NCALD: variants seen among roughly 807,000 people sequenced by gnomAD.
NCALD encodes the protein neurocalcin-delta.
NCALD carries 10 observed loss-of-function variants against 18.6 expected under a neutral mutation model. The ratio of observed to expected loss-of-function variants is 0.54; its 90% CI spans 0.33 to 0.91. The LOEUF is 0.91. Among genes scored for constraint, NCALD ranks in the 40% least tolerant of loss-of-function variants. The pLI is 0.03. For synonymous variants in NCALD, 88 were observed against 87.4 expected (o/e 1.01, Z -0.04); for missense variants, 184 against 247.6 (o/e 0.74, Z 1.72).
chr8:101,865,894 A>G (rs1037351012), intron 4 of NCALD, among the ~76,000 whole-genome samples: 2 of 152,170 alleles, frequency 1.3e-5, no homozygotes, highest in Admixed American at 6.5e-5. Context: ...TTTAATTTCA[A>G]GTGGATGGGG....
chr8:101,944,680 C>T (rs1819099651), intron 2 of NCALD, among the ~76,000 whole-genome samples: 1 of 152,168 alleles, frequency 6.6e-6, no homozygotes. Context: ...GGAGAGTTTA[C>T]AGTATTTCTT....
At chr8:101,728,904 G>A (rs1333294877) in intron 1 of NCALD, among the ~76,000 whole-genome samples, 1 of 152,226 alleles carries the variant, frequency 6.6e-6, no homozygotes, top group Non-Finnish European at 1.5e-5. Context: ...TCCACTAACA[G>A]TTGCTTTGAA....
At chr8:101,939,439 G>A (rs1818875636) in intron 2 of NCALD, among the ~76,000 whole-genome samples, 1 of 152,122 alleles carries the variant, frequency 6.6e-6, no homozygotes, top group African/African-American at 2.4e-5. Context: ...TTACTAAGTA[G>A]GTTGTCTCCC....
chr8:102,027,597 C>T (rs552856693), intron 1 of NCALD, among the ~76,000 whole-genome samples: 2 of 152,328 alleles, frequency 1.3e-5, no homozygotes, highest in South Asian at 2.1e-4. Context: ...CTGTTCCAAC[C>T]TCTACCTGTT....
chr8:101,870,891 G>A (rs899629589), intron 4 of NCALD, among the ~76,000 whole-genome samples: 11 of 24,288 alleles, frequency 4.5e-4, no homozygotes, highest in African/African-American at 1.9e-3. Flanking sequence ...CTCTACCACC[G>A]CCCCCACCCC....
At chr8:101,755,485 C>G (rs1025753235) in intron 1 of NCALD, among the ~76,000 whole-genome samples, 8 of 152,170 alleles carry the variant, frequency 5.3e-5, no homozygotes, top group African/African-American at 1.9e-4. Context: ...TGCTGGGACA[C>G]AGATCATTTT....
At chr8:101,711,682 T>C (rs1412740700) in intron 2 of NCALD, among the ~76,000 whole-genome samples, 1 of 151,230 alleles carries the variant, frequency 6.6e-6, no homozygotes, top group Non-Finnish European at 1.5e-5. Context: ...AGATTAAGGG[T>C]CAACTTAATG....
At chr8:101,942,978 C>T (rs1819013989) in intron 2 of NCALD, among the ~76,000 whole-genome samples, 1 of 152,158 alleles carries the variant, frequency 6.6e-6, no homozygotes, top group South Asian at 2.1e-4. Context: ...GCCTCCTTCC[C>T]TAAGCACCAC....
intron 4 of NCALD, among the ~76,000 whole-genome samples, chr8:101,817,613 T>C (rs1196920620): frequency 6.6e-6 from 1 of 151,298 alleles, no homozygotes; most frequent in Non-Finnish European, 1.5e-5. Flanking sequence ...GATAGATACA[T>C]TTTACTGTCC....
At chr8:101,900,487 A>G (rs1817379290) in intron 3 of NCALD, among the ~76,000 whole-genome samples, 1 of 151,990 alleles carries the variant, frequency 6.6e-6, no homozygotes, top group Non-Finnish European at 1.5e-5. Context: ...TAAGCATTAT[A>G]TTAGTGCTAT....
intron 2 of NCALD, among the ~76,000 whole-genome samples, chr8:101,921,170 T>C (rs950563147): frequency 6.6e-6 from 1 of 151,878 alleles, no homozygotes; most frequent in African/African-American, 2.4e-5. Flanking sequence ...TAAGTACCTC[T>C]GAGAGTGCCA....
At chr8:101,763,097 A>T (rs1430108951) in intron 1 of NCALD, among the ~76,000 whole-genome samples, 1 of 152,232 alleles carries the variant, frequency 6.6e-6, no homozygotes, top group Non-Finnish European at 1.5e-5. Context: ...TGTATACTAC[A>T]TATCAGGCAC....
At chr8:101,817,444 GCA>G (rs899541122) in intron 4 of NCALD, among the ~76,000 whole-genome samples, 14 of 152,016 alleles carry the variant, frequency 9.2e-5, no homozygotes, top group African/African-American at 2.4e-4. Context: ...TTGCTTGTCC[GCA>G]CAGTTTCCAA....
chr8:101,934,386 A>T (rs1024521005), intron 2 of NCALD, among the ~76,000 whole-genome samples: 9 of 152,192 alleles, frequency 5.9e-5, no homozygotes, highest in African/African-American at 2.2e-4. Flanking sequence ...ACAAAGTCAG[A>T]GGGGCTAGTG....
At chr8:101,806,651 G>A (rs1427202732) in intron 4 of NCALD, among the ~76,000 whole-genome samples, 1 of 152,026 alleles carries the variant, frequency 6.6e-6, no homozygotes, top group Admixed American at 6.6e-5. Flanking sequence ...GTTTGGTAGA[G>A]AACATGCAAT....
rs187361653 is a variant in NCALD, at chr8:101,743,378, A to G, written c.-19-23730T>C. Among the ~76,000 whole-genome samples the G allele has an allele frequency of 4.9e-4, 75 of 152,352 alleles. No individual in the cohort carries two copies. The East Asian group carries it at 0.012, about 25-fold the overall frequency. The stretch of plus-strand genomic sequence containing the variant: ...ACAAAAGTTGTGATATCTATATTCA[A>G]ATAGCATAATCTAGTTAAGGCAATA... On this transcript the variant is annotated intron_variant, in intron 1 of 3. Transcript: ENST00000220931.
intron 1 of NCALD, among the ~76,000 whole-genome samples, chr8:101,769,285 T>C (rs901036295): frequency 1.3e-5 from 2 of 152,234 alleles, no homozygotes; most frequent in Non-Finnish European, 2.9e-5. Flanking sequence ...TCTATAACCA[T>C]AGTGTCCAGT....
intron 2 of NCALD, among the ~76,000 whole-genome samples, chr8:102,008,163 G>A (rs1351063): frequency 0.62 from 94,864 of 152,018 alleles, 30,994 homozygotes; most frequent in African/African-American, 0.81. Flanking sequence ...TTATGTGCTG[G>A]CCATTATTCT....
intron 4 of NCALD, among the ~76,000 whole-genome samples, chr8:101,880,869 C>G (rs1370244151): frequency 6.6e-6 from 1 of 152,008 alleles, no homozygotes; most frequent in Non-Finnish European, 1.5e-5. Flanking sequence ...GATATGGGGA[C>G]AAGGCAAAGG....
Sources: gnomAD v4.1 joint callset for allele counts (sites outside exome capture counted in the v4.1 genomes callset) on GRCh38, gnomAD v4.1.1 for gene constraint, MANE v1.5 for transcripts, NCBI Gene and HGNC (gene_info 2026-07-23, HGNC 2026-07-21) for gene names.